DHX34: variants seen among roughly 807,000 people sequenced by gnomAD.
The protein encoded by DHX34 is probable ATP-dependent RNA helicase DHX34.
In DHX34, 96 loss-of-function variants were observed where a neutral mutation model predicts 111.1. The observed-to-expected ratio is 0.86, with a 90% CI of 0.73 to 1.02. The LOEUF (loss-of-function observed/expected upper bound fraction) is 1.02, where lower values mean the gene tolerates loss of function less well. DHX34 is among the 50% of genes least tolerant of loss of function. DHX34 has a pLI of 0.00. For missense variants in DHX34, 1,560 were observed against 1,579.9 expected (o/e 0.99, Z 0.21); for synonymous variants, 688 against 670.4 (o/e 1.03, Z -0.41).
chr19:47,357,778 T>C, intron 3 of DHX34, 88 bp from the exon 4 acceptor site: 3 of 1,499,628 alleles, frequency 2.0e-6, no homozygotes, highest in Non-Finnish European at 2.7e-6. Context: ...TAGCCTGTGG[T>C]CTCCCCCGTC....
chr19:47,366,102 G>C, intron 6 of DHX34, among the ~76,000 whole-genome samples: 1 of 152,066 alleles, frequency 6.6e-6, no homozygotes. Context: ...CAGAGAGGAT[G>C]CTGGGAATGC....
chr19:47,360,194 T>C (rs1969587139), intron 5 of DHX34, 124 bp downstream of exon 5: 1 of 821,896 alleles, frequency 1.2e-6, no homozygotes, highest in Non-Finnish European at 2.0e-6. Context: ...CTTTCCCATA[T>C]CCAAAATGCT....
In DHX34 at chr19:47,375,617, T is replaced by C. The variant is rs1208855817; in HGVS notation, c.2216T>C (p.Leu739Pro). Residue 739 changes from leucine (L) to proline (P), a missense_variant, in exon 10 of 17, where the codon CTG becomes CCG. Physicochemically the swap from Leu to Pro is moderately conservative, Grantham distance 98. Transcript: ENST00000328771. Reference protein sequence around the residue: ...EEGAGRRRKVLRLQEEQDGGS... With the variant: ...EEGAGRRRKVPRLQEEQDGGS... Reference sequence around the variant, plus strand: ...GGCGCGGGGCGCAGGCGCAAGGTGCTGCGGCTGCAGGAGGAGCAGGACGGC... The same window carrying C: ...GGCGCGGGGCGCAGGCGCAAGGTGCCGCGGCTGCAGGAGGAGCAGGACGGC... 1 of 1,550,428 alleles carries C rather than the reference T, an allele frequency of 6.4e-7. No individual in the cohort carries two copies. Among genetic ancestry groups the C allele is most frequent in the South Asian group, 1.2e-5 (1 of 85,216 alleles).
chr19:47,352,144 C>T (rs1249534617), intron 1 of DHX34, among the ~76,000 whole-genome samples: 1 of 152,180 alleles, frequency 6.6e-6, no homozygotes, highest in African/African-American at 2.4e-5. Context: ...GAAACATCCC[C>T]TCCTCCCAGG....
At chr19:47,374,051 A>AT (rs1465474840) in intron 9 of DHX34, among the ~76,000 whole-genome samples, 2 of 152,078 alleles carry the variant, frequency 1.3e-5, no homozygotes, top group Non-Finnish European at 2.9e-5. Context: ...TCAGCCACAG[A>AT]TCCCAGCTCT....
intron 7 of DHX34, among the ~76,000 whole-genome samples, chr19:47,370,727 A>AGT (rs1969939051): frequency 6.6e-6 from 1 of 152,096 alleles, no homozygotes; most frequent in African/African-American, 2.4e-5. Flanking sequence ...TCCAGGCTGG[A>AGT]GTGCAGTGGC....
In DHX34 at chr19:47,382,350, C is replaced by G. The variant is rs1450357486; in HGVS notation, c.*237C>G. 4.3e-6 allele frequency: 3 copies of G among 691,602 alleles called. No individual in the cohort carries two copies. In the African/African-American group the frequency reaches 5.4e-5, roughly 13 times the overall value. 42.8% of individuals were successfully genotyped at this position (691,602 alleles called of 1,614,324 possible). A position where few individuals can be genotyped will look rare whatever the true frequency, so the allele number is the denominator to read the frequency against. On this transcript the variant is annotated 3_prime_UTR_variant, in exon 17 of 17. Coordinates refer to ENST00000328771, the MANE Select transcript of DHX34 (RefSeq NM_014681.6). The stretch of plus-strand genomic sequence containing the variant: ...CTTGTTAGTCCTCCCCAGGGTCTAG[C>G]TTTCCTTCTTCCTGCTGCAGGGTGC...
Position 47,375,281 on chromosome 19 carries a change from C to T in DHX34, c.2065-185C>T, listed in dbSNP as rs537424611. On this transcript the variant is annotated intron_variant, in intron 9 of 16. Transcript: ENST00000328771. ...CTCTTGCCCCTGGCCCCGGTGTTCC[C>T]TCCACTGACCAGCGAGGACAGCTCT... 15 of 985,474 alleles carry T rather than the reference C, an allele frequency of 1.5e-5. No homozygotes were observed. In the East Asian group the frequency reaches 1.4e-3, roughly 89 times the overall value. The allele number at this position is 985,474 out of a possible 1,614,324, so 61.0% of individuals were successfully genotyped here. A position where few individuals can be genotyped will look rare whatever the true frequency, so the allele number is the denominator to read the frequency against.
At chr19:47,350,188 G>A (rs1309315688) in intron 1 of DHX34, among the ~76,000 whole-genome samples, 9 of 152,032 alleles carry the variant, frequency 5.9e-5, no homozygotes, top group Admixed American at 5.9e-4. Flanking sequence ...GAAATGGAGA[G>A]AGGTGGTGAT....
Position 47,373,579 on chromosome 19 carries a change from G to C in DHX34, c.1963-20G>C, listed in dbSNP as rs1196505504. The C allele has an allele frequency of 2.5e-6, 4 of 1,609,532 alleles. No individual in the cohort carries two copies. Among genetic ancestry groups the C allele is most frequent in the East Asian group, 2.2e-5 (1 of 44,630 alleles). ...GCACTGGCCAGGCCCTGACACCCTGGCGTCTGCTCCTCCACCCAGGTGAAA... is the reference window on the plus strand; with the variant it reads ...GCACTGGCCAGGCCCTGACACCCTGCCGTCTGCTCCTCCACCCAGGTGAAA... On this transcript the variant is annotated intron_variant, in intron 8 of 16. Transcript: ENST00000328771.
chr19:47,381,719 A>G lies in DHX34; in HGVS notation c.3299-261A>G, dbSNP rs1970364010. 4.7e-6 allele frequency: 4 copies of G among 851,460 alleles called. No homozygotes were observed. In the Admixed American group the frequency reaches 9.5e-5, roughly 20 times the overall value. The allele number at this position is 851,460 out of a possible 1,614,324, so 52.7% of individuals were successfully genotyped here. On this transcript the variant is annotated intron_variant, in intron 16 of 16. Coordinates refer to ENST00000328771, the MANE Select transcript of DHX34 (RefSeq NM_014681.6). ...GATAGCACTGGGGCCACATGCCTCC[A>G]TCCCCGGCTGGCTGTGTCTGCCTCT...
Position 47,362,747 on chromosome 19 carries a change from C to G in DHX34, c.1593+54C>G. ...TCCTAACTGCTGGCACAGGGAGGAA[C>G]CTGGGAGGCCTTTTTTATTTTATTT... On this transcript the variant is annotated intron_variant, in intron 6 of 16. Coordinates refer to ENST00000328771, the MANE Select transcript of DHX34 (RefSeq NM_014681.6). 2.1e-6 allele frequency: 3 copies of G among 1,456,538 alleles called. No individual in the cohort carries two copies. In the South Asian group the frequency reaches 4.0e-5, roughly 20 times the overall value. The allele number at this position is 1,456,538 out of a possible 1,614,324, so 90.2% of individuals were successfully genotyped here.
chr19:47,372,985 C>A, intron 8 of DHX34, 62 bp downstream of exon 8: 1 of 1,497,404 alleles, frequency 6.7e-7, no homozygotes. Flanking sequence ...CCTTCTGTGG[C>A]TGTGGCTCCT....
Position 47,373,619 on chromosome 19 carries a change from A to C in DHX34, c.1983A>C (p.Arg661Ser). ...AWVQVKSERS[R>S]NSRKWCRRRG... ...CCCAGGTGAAATCTGAACGGAGCAG[A>C]AACTCTCGCAAGTGGTGCCGCCGCC... Residue 661 changes from arginine (R) to serine (S), a missense_variant, in exon 9 of 17, where the codon AGA (arginine) becomes AGC (serine). Physicochemically the swap from Arg to Ser is moderately radical, Grantham distance 110. Coordinates refer to ENST00000328771, the MANE Select transcript of DHX34 (RefSeq NM_014681.6). 1.9e-6 allele frequency: 3 copies of C among 1,613,910 alleles called. No individual in the cohort carries two copies. The highest frequency in any genetic ancestry group is 2.5e-6 in the Non-Finnish European group (3 of 1,179,978).
Position 47,372,722 on chromosome 19 carries a change from C to A in DHX34, c.1769-8C>A, listed in dbSNP as rs199575788. The A allele has an allele frequency of 2.5e-6, 4 of 1,576,602 alleles. No homozygotes were observed. Among genetic ancestry groups the A allele is most frequent in the Admixed American group, 1.8e-5 (1 of 56,100 alleles). Reference sequence around the variant, plus strand: ...CCAGGAGCCTCAACCCCGTGTCCGCCGCTGCAGGGAAGATGCTGATCCTGG... The same window carrying A: ...CCAGGAGCCTCAACCCCGTGTCCGCAGCTGCAGGGAAGATGCTGATCCTGG... On this transcript the variant is annotated splice_polypyrimidine_tract_variant and splice_region_variant and intron_variant, in intron 7 of 16. Coordinates refer to ENST00000328771, the MANE Select transcript of DHX34 (RefSeq NM_014681.6).
At chr19:47,354,699 G>A (rs1335340590) in intron 2 of DHX34, among the ~76,000 whole-genome samples, 1 of 152,080 alleles carries the variant, frequency 6.6e-6, no homozygotes, top group African/African-American at 2.4e-5. Context: ...TGCCCAGGCT[G>A]GAGTGCAATG....
rs763046010 is a variant in DHX34 at position 47,375,673 on chromosome 19, G to GC, written c.2279dup (p.Gly761ArgfsTer4). ...CAGTGACGAGGACAGGGCTGGCCCAGCCCCCCCAGGGGCCAGTGATGGCGT... is the reference window on the plus strand; with the variant it reads ...CAGTGACGAGGACAGGGCTGGCCCAGCCCCCCCCAGGGGCCAGTGATGGCGT... On this transcript the variant is annotated frameshift_variant, in exon 10 of 17. Transcript: ENST00000328771. LOFTEE classifies it high-confidence loss of function. 6.6e-5 allele frequency: 102 copies of GC among 1,557,148 alleles called. No homozygotes were observed. The highest frequency in any genetic ancestry group is 1.8e-4 in the Middle Eastern group (1 of 5,654).
chr19:47,365,803 C>T (rs150270350), intron 6 of DHX34, among the ~76,000 whole-genome samples: 12,606 of 152,188 alleles, frequency 0.083, 697 homozygotes, highest in Middle Eastern at 0.16. Flanking sequence ...CGCCAGACCC[C>T]GGGGTGGACA....
rs758846204 is a variant in DHX34 at position 47,381,200 on chromosome 19, GTACAGCGACTGTCTCCGAA to G, written c.3175_3193del (p.Tyr1059ProfsTer92). 1.7e-5 allele frequency: 27 copies of G among 1,613,946 alleles called. No individual in the cohort carries two copies. The highest frequency in any genetic ancestry group is 2.2e-5 in the Non-Finnish European group (26 of 1,179,968). On this transcript the variant is annotated frameshift_variant, in exon 16 of 17. Transcript: ENST00000328771. LOFTEE classifies it high-confidence loss of function. ...GCCTGCCACAGAATGACACAGACCT[GTACAGCGACTGTCTCCGAA>G]CCTTCTGGACCTGCCCCCACTGTGG...
Sources: gnomAD v4.1 joint callset for allele counts (sites outside exome capture counted in the v4.1 genomes callset) on GRCh38, gnomAD v4.1.1 for gene constraint, MANE v1.5 for transcripts, NCBI Gene and HGNC (gene_info 2026-07-23, HGNC 2026-07-21) for gene names.